The following PTPRD variants were observed in gnomAD, a reference collection of about 807,000 sequenced individuals.
PTPRD encodes the protein receptor-type tyrosine-protein phosphatase delta.
PTPRD carries 34 observed loss-of-function variants against 214.5 expected under a neutral mutation model. That is an observed-to-expected ratio of 0.16 (90% CI 0.12 to 0.21). The LOEUF is 0.21. PTPRD is among the 10% of genes least tolerant of loss of function. The pLI is 1.00. For missense variants in PTPRD, 2,545 were observed against 2,398.7 expected (o/e 1.06, Z -1.27); for synonymous variants, 1,128 against 845.7 (o/e 1.33, Z -5.79).
intron 11 of PTPRD, among the ~76,000 whole-genome samples, chr9:8,868,774 C>T (rs10815979): frequency 0.19 from 28,998 of 152,042 alleles, 2,946 homozygotes; most frequent in East Asian, 0.29. Flanking sequence ...GCCTGTGGTG[C>T]TTTCAGCATA....
intron 9 of PTPRD, among the ~76,000 whole-genome samples, chr9:9,259,119 C>G (rs994869786): frequency 6.6e-6 from 1 of 151,688 alleles, no homozygotes; most frequent in Non-Finnish European, 1.5e-5. Context: ...CTCAAAATTC[C>G]CCATTTATTG....
chr9:9,442,663 G>C (rs1156441404), intron 8 of PTPRD, among the ~76,000 whole-genome samples: 1 of 152,122 alleles, frequency 6.6e-6, no homozygotes, highest in African/African-American at 2.4e-5. Flanking sequence ...TTTAATTAAA[G>C]ATGTTCTATT....
chr9:8,527,934 T>C (rs533159660), intron 15 of PTPRD, among the ~76,000 whole-genome samples: 1 of 152,242 alleles, frequency 6.6e-6, no homozygotes, highest in Non-Finnish European at 1.5e-5. Flanking sequence ...TCACTCACAA[T>C]GTTATTATCA....
chr9:9,199,183 A>G (rs1554965853), intron 9 of PTPRD, among the ~76,000 whole-genome samples: 7 of 152,168 alleles, frequency 4.6e-5, no homozygotes, highest in Non-Finnish European at 1.0e-4. Context: ...AGTTGCACCT[A>G]GGGTATTTTG....
intron 10 of PTPRD, among the ~76,000 whole-genome samples, chr9:9,091,874 T>C (rs2099776636): frequency 1.3e-5 from 2 of 152,202 alleles, no homozygotes; most frequent in African/African-American, 2.4e-5. Context: ...GGGTTTTGTG[T>C]TGAGTGTGGG....
intron 4 of PTPRD, among the ~76,000 whole-genome samples, chr9:9,946,979 A>T (rs950364555): frequency 1.3e-5 from 2 of 151,846 alleles, no homozygotes; most frequent in African/African-American, 4.8e-5. Context: ...CTGATTTTGG[A>T]AGCCATGCAT....
chr9:9,768,655 G>A (rs546694904), intron 5 of PTPRD, among the ~76,000 whole-genome samples: 24 of 152,174 alleles, frequency 1.6e-4, no homozygotes, highest in Non-Finnish European at 3.1e-4. Context: ...CTTACATGCA[G>A]TCTGGCATGA....
intron 3 of PTPRD, among the ~76,000 whole-genome samples, chr9:10,114,929 G>C (rs1479713036): frequency 1.3e-5 from 2 of 151,454 alleles, no homozygotes; most frequent in Admixed American, 6.6e-5. Flanking sequence ...AGGAATTATA[G>C]TGGTCTGCTA....
intron 3 of PTPRD, among the ~76,000 whole-genome samples, chr9:10,041,974 T>C (rs1280481473): frequency 6.6e-6 from 1 of 152,070 alleles, no homozygotes; most frequent in African/African-American, 2.4e-5. Flanking sequence ...CTAGCTGAAG[T>C]AAAGCAGCAT....
chr9:10,448,847 G>A (rs893659989), intron 2 of PTPRD, among the ~76,000 whole-genome samples: 3 of 151,870 alleles, frequency 2.0e-5, no homozygotes, highest in Non-Finnish European at 4.4e-5. Context: ...AAATAGAGAA[G>A]GGATCCACTT....
At chr9:8,335,344 A>T (rs980825788) in intron 43 of PTPRD, among the ~76,000 whole-genome samples, 11 of 152,102 alleles carry the variant, frequency 7.2e-5, no homozygotes, top group Admixed American at 7.2e-4. Flanking sequence ...CAACATACAC[A>T]AATCAATAAA....
chr9:9,018,517 A>AT (rs35445654), intron 11 of PTPRD, among the ~76,000 whole-genome samples, 180 bp downstream of exon 11: 1 of 152,178 alleles, frequency 6.6e-6, no homozygotes, highest in Non-Finnish European at 1.5e-5. Flanking sequence ...ATTTATGTAT[A>AT]TTTTTTAAGA....
At chr9:8,782,345 T>A (rs1204991016) in intron 11 of PTPRD, among the ~76,000 whole-genome samples, 1 of 152,136 alleles carries the variant, frequency 6.6e-6, no homozygotes, top group South Asian at 2.1e-4. Flanking sequence ...AACTTTTTTA[T>A]GGTGAAAATA....
chr9:10,544,777 T>C (rs1423939967), intron 2 of PTPRD, among the ~76,000 whole-genome samples: 1 of 152,198 alleles, frequency 6.6e-6, no homozygotes, highest in Non-Finnish European at 1.5e-5. Context: ...AAGTCTTGAG[T>C]ATATTTCACT....
At chr9:8,689,578 A>G (rs2097761604) in intron 12 of PTPRD, among the ~76,000 whole-genome samples, 2 of 152,166 alleles carry the variant, frequency 1.3e-5, no homozygotes, top group African/African-American at 4.8e-5. Flanking sequence ...CGTAATACGT[A>G]TTCACTACCA....
At chr9:9,240,650 T>C (rs911754685) in intron 9 of PTPRD, among the ~76,000 whole-genome samples, 3 of 152,196 alleles carry the variant, frequency 2.0e-5, no homozygotes, top group Admixed American at 6.5e-5. Context: ...TTAAAATATA[T>C]GGAAGCATTG....
At chr9:9,853,097 C>G (rs1449165518) in intron 5 of PTPRD, among the ~76,000 whole-genome samples, 1 of 152,152 alleles carries the variant, frequency 6.6e-6, no homozygotes. Context: ...TAAATGTACC[C>G]TATGACATAG....
At chr9:9,672,304 G>C (rs530660512) in intron 7 of PTPRD, among the ~76,000 whole-genome samples, 19 of 152,114 alleles carry the variant, frequency 1.2e-4, no homozygotes, top group African/African-American at 4.6e-4. Context: ...TATGGTTTAT[G>C]ATGGGCAAAA....
chr9:10,607,559 T>C (rs2079782377), intron 2 of PTPRD, among the ~76,000 whole-genome samples: 1 of 151,836 alleles, frequency 6.6e-6, no homozygotes, highest in African/African-American at 2.4e-5. Flanking sequence ...TTTAAAAAAA[T>C]AAGTATAGCA....
Sources: gnomAD v4.1 joint callset for allele counts (sites outside exome capture counted in the v4.1 genomes callset) on GRCh38, gnomAD v4.1.1 for gene constraint, MANE v1.5 for transcripts, NCBI Gene and HGNC (gene_info 2026-07-23, HGNC 2026-07-21) for gene names.